PEG3: variants seen among roughly 807,000 people sequenced by gnomAD.
PEG3 encodes paternally-expressed gene 3 protein.
A neutral mutation model predicts 35.5 loss-of-function variants in PEG3; 23 were observed. The observed-to-expected ratio is 0.65, with a 90% CI of 0.47 to 0.92. The LOEUF (loss-of-function observed/expected upper bound fraction) is 0.92, where lower values mean the gene tolerates loss of function less well. Ranked by LOEUF, PEG3 falls within the 40% of genes least tolerant of loss-of-function variation. The pLI is 0.00. For missense variants in PEG3, 1,960 were observed against 1,985.3 expected, an observed-to-expected ratio of 0.99 and a Z score of 0.24; for synonymous variants, 707 against 697.0, an observed-to-expected ratio of 1.01 and a Z score of -0.23.
chr19:56,811,341 G>A lies in PEG3; in HGVS notation c.*2334C>T, dbSNP rs1339053611. 2 of 887,908 alleles carry A rather than the reference G, an allele frequency of 2.3e-6. No homozygotes were observed. Among genetic ancestry groups the A allele is most frequent in the East Asian group, 2.4e-4 (2 of 8,346 alleles). The allele number at this position is 887,908 out of a possible 1,614,324, so 55.0% of individuals were successfully genotyped here. On this transcript the variant is annotated 3_prime_UTR_variant, in exon 10 of 10. Coordinates refer to ENST00000326441, the MANE Select transcript of PEG3 (RefSeq NM_006210.3). ...GTTTAAATGAACTGTTAAATGAACA[G>A]CATATAAATGAACTGTTGAGTTATA...
At chr19:56,834,200 G>A (rs1487848749) in intron 2 of PEG3, among the ~76,000 whole-genome samples, 1 of 152,074 alleles carries the variant, frequency 6.6e-6, no homozygotes, top group Non-Finnish European at 1.5e-5. Flanking sequence ...AGGCCACAAA[G>A]CTTGGTCCAT....
chr19:56,833,352 C>G, intron 2 of PEG3: 2 of 368,400 alleles, frequency 5.4e-6, no homozygotes, highest in South Asian at 4.1e-5. Context: ...TTACTCTCTT[C>G]GTCTCCCAGG....
At position 56,811,612 on chromosome 19, in the gene PEG3, T is replaced by C. The variant is rs1221650472; in HGVS notation, c.*2063A>G. The C allele has an allele frequency of 9.1e-6, 9 of 985,256 alleles. No homozygotes were observed. Among genetic ancestry groups the C allele is most frequent in the Non-Finnish European group, 9.6e-6 (8 of 829,886 alleles). 61.0% of individuals were successfully genotyped at this position (985,256 alleles called of 1,614,324 possible). On this transcript the variant is annotated 3_prime_UTR_variant, in exon 10 of 10. Transcript: ENST00000326441. Reference sequence around the variant, plus strand: ...GAAAAGGGGCTACCACTGCCAACAATGTTAACACCAAGTAATGTACCCACA... The same window carrying C: ...GAAAAGGGGCTACCACTGCCAACAACGTTAACACCAAGTAATGTACCCACA...
Position 56,821,665 on chromosome 19 carries a change from C to T in PEG3, c.655G>A (p.Glu219Lys). The change falls in exon 7 of 10, where the codon GAG becomes AAG. Residue 219 changes from glutamate to lysine, a missense_variant. Glu to Lys is a moderately conservative substitution (Grantham distance 56, BLOSUM62 1). Coordinates refer to ENST00000326441, the MANE Select transcript of PEG3 (RefSeq NM_006210.3). ...REDDRDSRAY[E>K]SRSQDAESYQ... ...CCTGAGCATACCTGAGATCGGGACT[C>T]ATAAGCCCTGGAGTCCCTGTCGTCC... 6.2e-7 allele frequency: 1 copy of T among 1,614,002 alleles called. No individual in the cohort carries two copies. Among genetic ancestry groups the T allele is most frequent in the Non-Finnish European group, 8.5e-7 (1 of 1,180,012 alleles).
rs772449402 is a variant in PEG3 at position 56,814,468 on chromosome 19, A to G, written c.3974T>C (p.Leu1325Pro). The G allele has an allele frequency of 3.1e-6, 5 of 1,613,762 alleles. No individual in the cohort carries two copies. The highest frequency in any genetic ancestry group is 4.2e-6 in the Non-Finnish European group (5 of 1,179,662). Residue 1325 changes from leucine (L) to proline (P), a missense_variant, in exon 10 of 10, where the codon CTC becomes CCC. Leu to Pro is a moderately conservative substitution (Grantham distance 98, BLOSUM62 -3). This residue lies in a region of PEG3 where 416 missense variants were observed against 416.7 expected (regional missense o/e 1.00). Transcript: ENST00000326441. The surrounding 1 kb of genome is among the most constrained non-coding windows in gnomAD (Gnocchi z 5.8). The stretch of plus-strand genomic sequence containing the variant: ...TTCATAGAATGGTATAGCTCCTTTG[A>G]GGGGCTCAGTAAGAAATGAGGTGTG... ...YTHTSFLTEPLKGAIPFYECK... is the reference protein window; with the variant it reads ...YTHTSFLTEPPKGAIPFYECK...
rs1231820452 is a variant in PEG3 at position 56,810,355 on chromosome 19, C to A, written c.*3320G>T. On this transcript the variant is annotated 3_prime_UTR_variant, in exon 10 of 10. Coordinates refer to ENST00000326441, the MANE Select transcript of PEG3 (RefSeq NM_006210.3). ...TAGAATGATGACCTTTCAAGGAAAC[C>A]GAAACAAAATAACCATAATCCCACA... is the stretch of plus-strand genomic sequence containing the variant. 3 of 985,096 alleles carry A rather than the reference C, an allele frequency of 3.0e-6. No homozygotes were observed. The African/African-American group carries it at 5.2e-5, about 17-fold the overall frequency. 61.0% of individuals were successfully genotyped at this position (985,096 alleles called of 1,614,324 possible).
intron 6 of PEG3, 94 bp from the exon 7 acceptor site, chr19:56,821,848 T>C: frequency 7.5e-7 from 1 of 1,336,176 alleles, no homozygotes; most frequent in South Asian, 1.2e-5. Flanking sequence ...AGCTGGGGTG[T>C]GAGTGTATGA....
At chr19:56,840,337 C>T (rs2062864516) in intron 1 of PEG3, among the ~76,000 whole-genome samples, 2 of 152,198 alleles carry the variant, frequency 1.3e-5, no homozygotes, top group Non-Finnish European at 2.9e-5. Context: ...CGCAGCAGCC[C>T]GGGCTGCGCC....
At position 56,811,061 on chromosome 19, in the gene PEG3, T is replaced by A. The variant is rs1317439101; in HGVS notation, c.*2614A>T. 1 of 976,600 alleles carries A rather than the reference T, an allele frequency of 1.0e-6. No individual in the cohort carries two copies. The highest frequency in any genetic ancestry group is 1.1e-4 in the East Asian group (1 of 8,718). 60.5% of individuals were successfully genotyped at this position (976,600 alleles called of 1,614,324 possible). A position where few individuals can be genotyped will look rare whatever the true frequency, so the allele number is the denominator to read the frequency against. On this transcript the variant is annotated 3_prime_UTR_variant, in exon 10 of 10. Coordinates refer to ENST00000326441, the MANE Select transcript of PEG3 (RefSeq NM_006210.3). ...TGCACAGAAACAAGAATGAACAAGA[T>A]AAGAGGAGAGTATATGTCTTTGGAT...
Position 56,824,404 on chromosome 19 carries a change from C to G in PEG3, c.252G>C (p.Glu84Asp). 6.2e-7 allele frequency: 1 copy of G among 1,614,146 alleles called. No individual in the cohort carries two copies. Among genetic ancestry groups the G allele is most frequent in the Admixed American group, 1.7e-5 (1 of 60,026 alleles). The change falls in exon 4 of 10, where the codon GAG becomes GAC. Residue 84 changes from glutamate (E) to aspartate (D), a missense_variant. Physicochemically the swap from Glu to Asp is conservative, Grantham distance 45. Around this residue, in one of 5 missense-constraint regions of PEG3, gnomAD observed 613 missense variants for 577.1 expected, o/e 1.06. Coordinates refer to ENST00000326441, the MANE Select transcript of PEG3 (RefSeq NM_006210.3). Reference protein sequence around the residue: ...WLQPETRTKEEIIELLVLEQY... With the variant: ...WLQPETRTKEDIIELLVLEQY... ...GCTCAAGGACCAAGAGCTCGATGAT[C>G]TCCTCCTTGGTGCGGGTCTCCGGCT...
Position 56,814,113 on chromosome 19 carries a change from G to A in PEG3, c.4329C>T (p.Ala1443=). The A allele has an allele frequency of 3.7e-6, 6 of 1,613,802 alleles. No individual in the cohort carries two copies. The highest frequency in any genetic ancestry group is 2.2e-5 in the South Asian group (2 of 90,994). The change falls in exon 10 of 10, where the codon GCC becomes GCT. Residue 1443 remains alanine (A), a synonymous_variant. Transcript: ENST00000326441. This position sits in a 1 kb window ranked among gnomAD's most constrained non-coding sequence, Gnocchi z 5.8. ...IGEAGQPNGE[A]EQPNGDADEP... ...CATCAGCATCCCCATTTGGCTGCTC[G>A]GCCTCTCCATTTGGCTGTCCAGCCT...
rs776146263 is a variant in PEG3, at chr19:56,836,069, C to T, written c.-214G>A. 83 of 504,764 alleles carry T rather than the reference C, an allele frequency of 1.6e-4. No homozygotes were observed. The highest frequency in any genetic ancestry group is 3.0e-4 in the Non-Finnish European group (75 of 253,008). The allele number at this position is 504,764 out of a possible 1,614,324, so 31.3% of individuals were successfully genotyped here. On this transcript the variant is annotated 5_prime_UTR_variant, in exon 2 of 10. Transcript: ENST00000326441. ...CCTAGTCCCTCTTCCTCTCGCCAGT[C>T]GTCTCCAAGAAGGACGGAAGATCAA...
At position 56,825,361 on chromosome 19, in the gene PEG3, C is replaced by G. The variant is rs111459952; in HGVS notation, c.-86-620G>C. On this transcript the variant is annotated intron_variant, in intron 3 of 9. Transcript: ENST00000326441. ...ACAGTGAGAAGTGACCATTGAGCCT[C>G]TTGATGCTACTGCACGTTCTTTTGC... Among the ~76,000 whole-genome samples, 460 of 152,360 alleles carry G rather than the reference C, an allele frequency of 3.0e-3. 2 individuals carry two copies. The highest frequency in any genetic ancestry group is 0.01 in the African/African-American group (429 of 41,586).
Position 56,824,475 on chromosome 19 carries a change from G to A in PEG3, c.181C>T (p.Arg61Trp), listed in dbSNP as rs1048452080. The A allele has an allele frequency of 1.3e-5, 21 of 1,613,908 alleles. No individual in the cohort carries two copies. The highest frequency in any genetic ancestry group is 6.7e-5 in the East Asian group (3 of 44,862). The change falls in exon 4 of 10, where the codon CGG becomes TGG. Residue 61 changes from arginine to tryptophan, a missense_variant. Coordinates refer to ENST00000326441, the MANE Select transcript of PEG3 (RefSeq NM_006210.3). ...NLIYVEFVGPRKTLIKLRNLC... is the reference protein window; with the variant it reads ...NLIYVEFVGPWKTLIKLRNLC... ...TTTCGGAGTTTGATCAGGGTCTTCC[G>A]AGGCCCAACAAATTCCACATAGATT...
Position 56,817,649 on chromosome 19 carries a change from C to T in PEG3, c.863-70G>A, listed in dbSNP as rs1215017415. 3.3e-6 allele frequency: 5 copies of T among 1,508,560 alleles called. No homozygotes were observed. In the East Asian group the frequency reaches 6.8e-5, roughly 20 times the overall value. The allele number at this position is 1,508,560 out of a possible 1,614,324, so 93.4% of individuals were successfully genotyped here. On this transcript the variant is annotated intron_variant, in intron 9 of 9. Coordinates refer to ENST00000326441, the MANE Select transcript of PEG3 (RefSeq NM_006210.3). ...AAGGACAGTGGGACTTGGAGGGGTG[C>T]ACCCTTCTGTGATGTTTAGGAATGC...
chr19:56,815,919 G>T lies in PEG3; in HGVS notation c.2523C>A (p.Ser841=). 6.2e-7 allele frequency: 1 copy of T among 1,610,046 alleles called. No individual in the cohort carries two copies. ...TTCCATTGTGACTTCTTGGAGGTTT[G>T]GAAGCCACTAAGCTATGGATAACAG... ...SRSVIHSLVA[S]KPPRSHNGNE... Residue 841 remains serine, a synonymous_variant, in exon 10 of 10, where the codon TCC becomes TCA. Coordinates refer to ENST00000326441, the MANE Select transcript of PEG3 (RefSeq NM_006210.3).
intron 8 of PEG3, among the ~76,000 whole-genome samples, chr19:56,818,216 T>A (rs2060160171): frequency 7.2e-5 from 11 of 152,168 alleles, no homozygotes; most frequent in Admixed American, 7.2e-4. Flanking sequence ...CTTACAGACC[T>A]GCAGCACAGC....
rs2146114276 is a variant in PEG3 at position 56,813,310 on chromosome 19, T to A, written c.*365A>T. 1.0e-6 allele frequency: 1 copy of A among 961,562 alleles called. No homozygotes were observed. Among genetic ancestry groups the A allele is most frequent in the African/African-American group, 1.7e-5 (1 of 57,322 alleles). The allele number at this position is 961,562 out of a possible 1,614,324, so 59.6% of individuals were successfully genotyped here. On this transcript the variant is annotated 3_prime_UTR_variant, in exon 10 of 10. Transcript: ENST00000326441. Reference sequence around the variant, plus strand: ...ATGTGATCACTGTTCTGTCATAATTTGCTATTTTATATACACCTCATGAAA... The same window carrying A: ...ATGTGATCACTGTTCTGTCATAATTAGCTATTTTATATACACCTCATGAAA...
chr19:56,833,480 G>A, intron 2 of PEG3: 1 of 277,654 alleles, frequency 3.6e-6, no homozygotes, highest in Admixed American at 4.9e-5. Flanking sequence ...TCCCAGCCCA[G>A]GCCTACGTCA....
Sources: gnomAD v4.1 joint callset for allele counts (sites outside exome capture counted in the v4.1 genomes callset) on GRCh38, gnomAD v4.1.1 for gene constraint, gnomAD v4.1.1 regional missense constraint, Gnocchi (gnomAD v3.1) non-coding constraint, MANE v1.5 for transcripts, NCBI Gene and HGNC (gene_info 2026-07-23, HGNC 2026-07-21) for gene names.